Variants in DNM1 observed in about 807,000 individuals in gnomAD.
DNM1 encodes the protein dynamin 1, also known as dynamin-1.
Under a neutral mutation model 104.6 loss-of-function variants are expected in DNM1, and 29 were observed. The ratio of observed to expected loss-of-function variants is 0.28; its 90% CI spans 0.21 to 0.38. The LOEUF (loss-of-function observed/expected upper bound fraction) is 0.38. DNM1 is among the 10% of genes least tolerant of loss of function. DNM1 has a pLI of 1.00. For synonymous variants in DNM1, 445 were observed against 475.8 expected, an observed-to-expected ratio of 0.94 and a Z score of 0.84; for missense variants, 640 against 1,189.4, an observed-to-expected ratio of 0.54 and a Z score of 6.79.
rs1829691273 is a variant in DNM1 at position 128,253,957 on chromosome 9, C to T, written c.2535-697C>T. On this transcript the variant is annotated intron_variant, in intron 21 of 21. Coordinates refer to ENST00000372923, the MANE Select transcript of DNM1 (RefSeq NM_004408.4). This position sits in a 1 kb window ranked among gnomAD's most constrained non-coding sequence, Gnocchi z 5.9. ...CCCAGCTGAGCTCCGCCCAGTGAGC[C>T]CACCCCCCATTCTCCTGCCACTGAC... The T allele has an allele frequency of 8.1e-7, 1 of 1,233,514 alleles. No individual in the cohort carries two copies. The highest frequency in any genetic ancestry group is 1.6e-5 in the African/African-American group (1 of 64,426). 76.4% of individuals were successfully genotyped at this position (1,233,514 alleles called of 1,614,324 possible).
chr9:128,232,757 G>A (rs1367815147), intron 10 of DNM1: 2 of 152,456 alleles, frequency 1.3e-5, no homozygotes, highest in African/African-American at 4.8e-5. Context: ...TGGAGCCCCT[G>A]GGGGTGGGCT....
chr9:128,233,676 C>T (rs1486768766), intron 10 of DNM1: 1 of 324,224 alleles, frequency 3.1e-6, no homozygotes, highest in Non-Finnish European at 5.8e-6. Flanking sequence ...GCTAACGGTC[C>T]CCAGAGGCCT....
intron 1 of DNM1, among the ~76,000 whole-genome samples, chr9:128,212,330 C>T (rs916371337): frequency 2.6e-5 from 4 of 152,182 alleles, no homozygotes; most frequent in Non-Finnish European, 4.4e-5. Flanking sequence ...GGATCCATAG[C>T]TGGGCATGGT....
chr9:128,203,954 T>G lies in DNM1; in HGVS notation c.161+323T>G. ...CTGCCCCCCGCCCCCAACATGGGCA[T>G]GGAGAGAGCCCGCATTACTCAGCGT... On this transcript the variant is annotated intron_variant, in intron 1 of 21. Transcript: ENST00000372923. The surrounding 1 kb of genome is among the most constrained non-coding windows in gnomAD (Gnocchi z 5.3). 1 of 174,236 alleles carries G rather than the reference T, an allele frequency of 5.7e-6. No individual in the cohort carries two copies. Among genetic ancestry groups the G allele is most frequent in the Non-Finnish European group, 1.2e-5 (1 of 83,070 alleles). The allele number at this position is 174,236 out of a possible 1,614,324, so 10.8% of individuals were successfully genotyped here. A position where few individuals can be genotyped will look rare whatever the true frequency, so the allele number is the denominator to read the frequency against.
chr9:128,240,117 C>T lies in DNM1; in HGVS notation c.1557+121C>T. The T allele has an allele frequency of 8.4e-7, 1 of 1,195,332 alleles. No homozygotes were observed. The highest frequency in any genetic ancestry group is 1.2e-5 in the South Asian group (1 of 81,760). The allele number at this position is 1,195,332 out of a possible 1,614,324, so 74.0% of individuals were successfully genotyped here. ...GCTGAAGCTGCTTGTACACACCAGC[C>T]CCTGGCATTTCACACCTGCCCTCAG... On this transcript the variant is annotated intron_variant, in intron 14 of 21. Coordinates refer to ENST00000372923, the MANE Select transcript of DNM1 (RefSeq NM_004408.4). This position sits in a 1 kb window ranked among gnomAD's most constrained non-coding sequence, Gnocchi z 5.1.
intron 1 of DNM1, among the ~76,000 whole-genome samples, chr9:128,210,348 C>CATTATTATTATTATTATT (rs61012054): frequency 0.013 from 1,889 of 141,604 alleles, 19 homozygotes; most frequent in Non-Finnish European, 0.019. Context: ...ATTTATTTGG[C>CATTATTATTATTATTATT]ATTATTATTA....
intron 1 of DNM1, among the ~76,000 whole-genome samples, chr9:128,217,864 T>G (rs1834707298): frequency 6.6e-6 from 1 of 152,112 alleles, no homozygotes. Context: ...ATCCACTCTG[T>G]GGGCATTGGA....
intron 1 of DNM1, among the ~76,000 whole-genome samples, chr9:128,211,609 C>T (rs577498291): frequency 6.6e-6 from 1 of 151,426 alleles, no homozygotes; most frequent in Admixed American, 6.6e-5. Context: ...TGGCCCCAAG[C>T]GATCCTCCCA....
rs771202127 is a variant in DNM1 at position 128,218,667 on chromosome 9, G to A, written c.321G>A (p.Arg107=). 1 of 1,613,314 alleles carries A rather than the reference G, an allele frequency of 6.2e-7. No individual in the cohort carries two copies. The highest frequency in any genetic ancestry group is 8.5e-7 in the Non-Finnish European group (1 of 1,179,580). Residue 107 remains arginine, a synonymous_variant, in exon 3 of 22, where the codon AGG becomes AGA. Transcript: ENST00000372923. This position sits in a 1 kb window ranked among gnomAD's most constrained non-coding sequence, Gnocchi z 4.8. Reference sequence around the variant, plus strand: ...TTGAGATCGAGGCCGAGACCGACAGGGTCACCGGCACCAACAAGGGCATCT... The same window carrying A: ...TTGAGATCGAGGCCGAGACCGACAGAGTCACCGGCACCAACAAGGGCATCT... The part of the protein sequence containing the change: ...VRLEIEAETD[R]VTGTNKGISP...
rs1382648008 is a variant in DNM1 at position 128,203,504 on chromosome 9, C to A, written c.34C>A (p.Leu12Met). Residue 12 changes from leucine to methionine, a missense_variant, in exon 1 of 22, where the codon CTG (leucine) becomes ATG (methionine). Physicochemically the swap from Leu to Met is conservative, Grantham distance 15 (BLOSUM62 2). Coordinates refer to ENST00000372923, the MANE Select transcript of DNM1 (RefSeq NM_004408.4). This position sits in a 1 kb window ranked among gnomAD's most constrained non-coding sequence, Gnocchi z 5.3. ...CCGCGGCATGGAAGATCTCATCCCG[C>A]TGGTCAACCGGCTGCAAGACGCCTT... ...GNRGMEDLIP[L>M]VNRLQDAFSA... 6.5e-7 allele frequency: 1 copy of A among 1,535,926 alleles called. No individual in the cohort carries two copies. Among genetic ancestry groups the A allele is most frequent in the Middle Eastern group, 1.7e-4 (1 of 5,840 alleles).
At chr9:128,206,477 G>C (rs1833980955) in intron 1 of DNM1, among the ~76,000 whole-genome samples, 1 of 152,170 alleles carries the variant, frequency 6.6e-6, no homozygotes, top group Non-Finnish European at 1.5e-5. Context: ...CCAAGACTCT[G>C]CACTGCAGAG....
At chr9:128,237,093 G>C (rs1012122323) in intron 11 of DNM1, among the ~76,000 whole-genome samples, 1 of 152,158 alleles carries the variant, frequency 6.6e-6, no homozygotes, top group Non-Finnish European at 1.5e-5. Context: ...TGGACTTTGA[G>C]GCTAAGTGAG....
Position 128,250,709 on chromosome 9 carries a change from T to C in DNM1, c.2319-16T>C. Reference sequence around the variant, plus strand: ...CATCTCGCCTCTCCTTGTTCCTCGCTCCCTGTCGCCCTCAGGTCGCCCACG... The same window carrying C: ...CATCTCGCCTCTCCTTGTTCCTCGCCCCCTGTCGCCCTCAGGTCGCCCACG... On this transcript the variant is annotated splice_polypyrimidine_tract_variant and intron_variant, in intron 20 of 21. Transcript: ENST00000372923. The C allele has an allele frequency of 2.1e-6, 3 of 1,458,648 alleles. No homozygotes were observed. The highest frequency in any genetic ancestry group is 6.0e-5 in the East Asian group (2 of 33,436). 90.4% of individuals were successfully genotyped at this position (1,458,648 alleles called of 1,614,324 possible).
At chr9:128,242,444 G>C in intron 15 of DNM1, 99 bp downstream of exon 15, 1 of 680,258 alleles carries the variant, frequency 1.5e-6, no homozygotes, top group Non-Finnish European at 2.6e-6. Context: ...CATGGAATAG[G>C]GTTTTAAAAT....
At chr9:128,219,531 CCGTGGTGCACGCT>C (rs1834815409) in intron 4 of DNM1, among the ~76,000 whole-genome samples, 1 of 151,834 alleles carries the variant, frequency 6.6e-6, no homozygotes, top group Non-Finnish European at 1.5e-5. Flanking sequence ...TAGCCGGGCA[CCGTGGTGCACGCT>C]TGTGGTCCCA....
chr9:128,252,827 C>G (rs1829609686), intron 21 of DNM1: 1 of 672,176 alleles, frequency 1.5e-6, no homozygotes, highest in African/African-American at 1.8e-5. Context: ...GTGACTCTGC[C>G]CACACGTGTG....
In DNM1 at chr9:128,234,078, C is replaced by T. The variant is rs772264918; in HGVS notation, c.1393C>T (p.Arg465Trp). ...EMERIVTTHI[R>W]EREGRTKEQV... is the part of the protein sequence containing the mutation. ...GGAGCGCATCGTGACCACCCACATC[C>T]GGGAGCGCGAGGGCCGCACTAAGGA... Residue 465 changes from arginine to tryptophan, a missense_variant, in exon 11 of 22, where the codon CGG becomes TGG. By Grantham distance (101) the Arg-to-Trp change is moderately radical. Around this residue, in one of 7 missense-constraint regions of DNM1, gnomAD observed 92 missense variants for 124.4 expected, o/e 0.74. Coordinates refer to ENST00000372923, the MANE Select transcript of DNM1 (RefSeq NM_004408.4). 6.4e-7 allele frequency: 1 copy of T among 1,574,508 alleles called. No individual in the cohort carries two copies. The highest frequency in any genetic ancestry group is 1.2e-5 in the South Asian group (1 of 85,516).
In DNM1 at chr9:128,218,406, C is replaced by A; in HGVS notation, c.235+102C>A. On this transcript the variant is annotated intron_variant, in intron 2 of 21. Transcript: ENST00000372923. This position sits in a 1 kb window ranked among gnomAD's most constrained non-coding sequence, Gnocchi z 4.8. ...GGCCACGAACTTGCTTGCTGTGTGA[C>A]TGTGGGCCTCGTTCCCCTTAGGGAT... The A allele has an allele frequency of 1.4e-6, 2 of 1,467,660 alleles. No individual in the cohort carries two copies. Among genetic ancestry groups the A allele is most frequent in the Non-Finnish European group, 1.9e-6 (2 of 1,047,682 alleles). 90.9% of individuals were successfully genotyped at this position (1,467,660 alleles called of 1,614,324 possible).
At chr9:128,226,281 G>A (rs1259360976) in intron 10 of DNM1, 2 of 1,499,256 alleles carry the variant, frequency 1.3e-6, no homozygotes, top group Non-Finnish European at 1.8e-6. Flanking sequence ...TACCCGCAGG[G>A]ACCCAGCCCT....
Sources: gnomAD v4.1 joint callset for allele counts (sites outside exome capture counted in the v4.1 genomes callset) on GRCh38, gnomAD v4.1.1 for gene constraint, gnomAD v4.1.1 regional missense constraint, Gnocchi (gnomAD v3.1) non-coding constraint, MANE v1.5 for transcripts, NCBI Gene and HGNC (gene_info 2026-07-23, HGNC 2026-07-21) for gene names.